The following ACOXL variants were observed in gnomAD, a reference collection of about 807,000 sequenced individuals.
ACOXL encodes acyl-coenzyme A oxidase-like protein.
A neutral mutation model predicts 71.9 loss-of-function variants in ACOXL; 70 were observed. The observed-to-expected ratio is 0.97, with a 90% confidence interval of 0.80 to 1.19. ACOXL has a LOEUF of 1.19. Ranked by LOEUF, ACOXL falls within the 50% of genes most tolerant of loss-of-function variation. The probability of loss-of-function intolerance (pLI) is 0.00; values close to 1 mark genes in which losing one functional copy is unlikely to be tolerated. For missense variants in ACOXL, 703 were observed against 736.3 expected (o/e 0.95, Z 0.52); for synonymous variants, 253 against 281.6 (o/e 0.90, Z 1.02).
intron 14 of ACOXL, among the ~76,000 whole-genome samples, chr2:111,025,067 A>G (rs1395951229): frequency 1.3e-5 from 2 of 152,040 alleles, no homozygotes; most frequent in African/African-American, 2.4e-5. Context: ...TTTGCAGTCA[A>G]TCCCTTCCCC....
chr2:111,118,021 G>T lies in ACOXL; in HGVS notation c.*205G>T. 1 of 636,926 alleles carries T rather than the reference G, an allele frequency of 1.6e-6. No individual in the cohort carries two copies. Among genetic ancestry groups the T allele is most frequent in the Non-Finnish European group, 2.7e-6 (1 of 372,228 alleles). 39.5% of individuals were successfully genotyped at this position (636,926 alleles called of 1,614,324 possible). On this transcript the variant is annotated 3_prime_UTR_variant, in exon 18 of 18. Transcript: ENST00000439055. ...AGAGATCCAGACGGTCGCCTGGTGC[G>T]CTGGATCCCTGTGCCCTTTCCCTGA... is the stretch of plus-strand genomic sequence containing the variant.
intron 7 of ACOXL, among the ~76,000 whole-genome samples, chr2:110,800,070 GCCACC>G (rs997108786): frequency 2.0e-5 from 3 of 152,196 alleles, no homozygotes; most frequent in Admixed American, 6.5e-5. Flanking sequence ...AGAAAAGCTG[GCCACC>G]CCAGCCAGCA....
intron 9 of ACOXL, among the ~76,000 whole-genome samples, chr2:110,830,207 A>C (rs1689651111): frequency 6.6e-6 from 1 of 152,226 alleles, no homozygotes. Context: ...GAAGAGAATA[A>C]AATATTAATG....
At position 110,871,489 on chromosome 2, in the gene ACOXL, C is replaced by T. The variant is rs141988952; in HGVS notation, c.788+30084C>T. The stretch of plus-strand genomic sequence containing the variant: ...AACTGAGAGAGGTATTAATGCCATT[C>T]GTCTCGGGGGACTGCAGATTTCATT... On this transcript the variant is annotated intron_variant, in intron 10 of 17. Transcript: ENST00000439055. 7.4e-3 allele frequency among the ~76,000 whole-genome samples: 1,121 copies of T among 152,058 alleles called. 9 individuals carry two copies. The highest frequency in any genetic ancestry group is 0.016 in the South Asian group (78 of 4,778).
chr2:110,821,720 A>G (rs181487847), intron 9 of ACOXL, among the ~76,000 whole-genome samples: 241 of 152,312 alleles, frequency 1.6e-3, no homozygotes, highest in Non-Finnish European at 2.9e-3. Context: ...GTATCTGCAG[A>G]AATTATTTGG....
At chr2:110,811,106 A>G (rs192586046) in intron 9 of ACOXL, among the ~76,000 whole-genome samples, 1 of 152,290 alleles carries the variant, frequency 6.6e-6, no homozygotes, top group African/African-American at 2.4e-5. Context: ...TCAAGATGAG[A>G]TTTGGGGGGA....
intron 11 of ACOXL, among the ~76,000 whole-genome samples, chr2:110,915,466 C>T (rs1349698472): frequency 7.0e-6 from 1 of 143,632 alleles, no homozygotes; most frequent in African/African-American, 2.6e-5. Context: ...CTGTGTTGCC[C>T]AGGCTGGAGT....
intron 10 of ACOXL, among the ~76,000 whole-genome samples, chr2:110,850,819 C>G (rs1178808438): frequency 6.6e-6 from 1 of 152,136 alleles, no homozygotes. Context: ...CTCCCGGATA[C>G]TTAAAGGAGA....
chr2:110,867,083 A>G (rs1254192590), intron 10 of ACOXL, among the ~76,000 whole-genome samples: 1 of 152,178 alleles, frequency 6.6e-6, no homozygotes, highest in Non-Finnish European at 1.5e-5. Context: ...GGAGGAGGGA[A>G]GGGACAGCAT....
intron 8 of ACOXL, 126 bp from the exon 9 acceptor site, chr2:110,805,137 A>AG: frequency 7.8e-7 from 1 of 1,288,660 alleles, no homozygotes; most frequent in Non-Finnish European, 1.1e-6. Context: ...CTCTGTCTCA[A>AG]GGGGGAAGTT....
intron 13 of ACOXL, among the ~76,000 whole-genome samples, chr2:110,992,835 G>A (rs1193441175): frequency 6.6e-6 from 1 of 152,198 alleles, no homozygotes; most frequent in Non-Finnish European, 1.5e-5. Context: ...GGAGGTGGTG[G>A]TAGATGTCCA....
chr2:110,758,769 GGTT>G (rs1188687086), intron 1 of ACOXL, among the ~76,000 whole-genome samples: 1 of 152,088 alleles, frequency 6.6e-6, no homozygotes, highest in African/African-American at 2.4e-5. Context: ...TGAGATGTTA[GGTT>G]GTTAACTTGA....
At chr2:111,052,308 A>G (rs2066329381) in intron 16 of ACOXL, among the ~76,000 whole-genome samples, 2 of 152,178 alleles carry the variant, frequency 1.3e-5, no homozygotes, top group South Asian at 2.1e-4. Context: ...CAGCACCATG[A>G]GAGCACACAC....
chr2:111,003,232 TG>T (rs551892393), intron 14 of ACOXL, among the ~76,000 whole-genome samples: 3 of 151,978 alleles, frequency 2.0e-5, no homozygotes, highest in African/African-American at 7.2e-5. Context: ...TGTGGGGTGG[TG>T]AACAAAATTC....
chr2:111,057,695 T>C (rs755844090), intron 16 of ACOXL, among the ~76,000 whole-genome samples: 4 of 152,216 alleles, frequency 2.6e-5, no homozygotes, highest in Non-Finnish European at 5.9e-5. Context: ...AGTTCTGCTA[T>C]AAGGAGAAAT....
At chr2:110,833,884 C>T (rs1690141058) in intron 9 of ACOXL, among the ~76,000 whole-genome samples, 1 of 152,118 alleles carries the variant, frequency 6.6e-6, no homozygotes, top group African/African-American at 2.4e-5. Context: ...TTTAAACTCT[C>T]TGTGGTCTTA....
chr2:110,754,384 G>A (rs1044508819), intron 1 of ACOXL, among the ~76,000 whole-genome samples: 16 of 152,094 alleles, frequency 1.1e-4, no homozygotes, highest in Non-Finnish European at 2.1e-4. Flanking sequence ...CTAGTTCTAT[G>A]AGAGTTTATT....
At chr2:110,944,960 C>T (rs560982472) in intron 12 of ACOXL, among the ~76,000 whole-genome samples, 1 of 152,346 alleles carries the variant, frequency 6.6e-6, no homozygotes, top group South Asian at 2.1e-4. Flanking sequence ...TACATTCCCA[C>T]CAGCAGTGTA....
intron 17 of ACOXL, among the ~76,000 whole-genome samples, chr2:111,115,941 T>A (rs562274210): frequency 4.6e-5 from 7 of 152,376 alleles, no homozygotes; most frequent in African/African-American, 1.4e-4. Context: ...ATTTAATTCC[T>A]ACCTCTGGCC....
Sources: gnomAD v4.1 joint callset for allele counts (sites outside exome capture counted in the v4.1 genomes callset) on GRCh38, gnomAD v4.1.1 for gene constraint, MANE v1.5 for transcripts, NCBI Gene and HGNC (gene_info 2026-07-23, HGNC 2026-07-21) for gene names.